Variants in TMEM132C observed in about 807,000 individuals in gnomAD.
The protein encoded by TMEM132C is protein phosphatase 1, regulatory subunit 152.
In TMEM132C, 29 loss-of-function variants were observed where a neutral mutation model predicts 61.4. The ratio of observed to expected loss-of-function variants is 0.47; its 90% CI spans 0.35 to 0.64. The LOEUF (loss-of-function observed/expected upper bound fraction) is 0.64, where lower values mean the gene tolerates loss of function less well. Ranked by LOEUF, TMEM132C falls within the 30% of genes least tolerant of loss-of-function variation. TMEM132C has a pLI of 0.00. For synonymous variants in TMEM132C, 656 were observed against 633.1 expected, an observed-to-expected ratio of 1.04 and a Z score of -0.54; for missense variants, 1,408 against 1,476.9, an observed-to-expected ratio of 0.95 and a Z score of 0.76.
intron 1 of TMEM132C, among the ~76,000 whole-genome samples, chr12:128,299,653 A>T (rs946920605): frequency 5.3e-5 from 8 of 152,244 alleles, no homozygotes; most frequent in African/African-American, 1.9e-4. Context: ...TTTTTCGTAT[A>T]GAGAGAACTT....
At chr12:128,593,440 C>T (rs535359154) in intron 3 of TMEM132C, among the ~76,000 whole-genome samples, 14 of 152,308 alleles carry the variant, frequency 9.2e-5, no homozygotes, top group Admixed American at 2.6e-4. Context: ...AAGCCCATGA[C>T]GAGTGTGACC....
At position 128,524,391 on chromosome 12, in the gene TMEM132C, C is replaced by T. The variant is rs1055849856; in HGVS notation, c.975-19566C>T. On this transcript the variant is annotated intron_variant, in intron 2 of 8. Transcript: ENST00000435159. Reference sequence around the variant, plus strand: ...ATAAGCCCCAGGAGCTGTCCCTTGCCATCACATGGCTTTTCTGCAGAGAGC... The same window carrying T: ...ATAAGCCCCAGGAGCTGTCCCTTGCTATCACATGGCTTTTCTGCAGAGAGC... Among the ~76,000 whole-genome samples, 9 of 152,196 alleles carry T rather than the reference C, an allele frequency of 5.9e-5. 1 individual carries two copies. The highest frequency in any genetic ancestry group is 4.4e-5 in the Non-Finnish European group (3 of 68,046).
At chr12:128,634,610 A>G (rs1189317830) in intron 4 of TMEM132C, among the ~76,000 whole-genome samples, 1 of 152,224 alleles carries the variant, frequency 6.6e-6, no homozygotes, top group African/African-American at 2.4e-5. Context: ...TATGTGAGTG[A>G]CACCTCCTGA....
intron 4 of TMEM132C, among the ~76,000 whole-genome samples, chr12:128,664,261 T>A (rs548472531): frequency 1.1e-4 from 16 of 152,310 alleles, no homozygotes; most frequent in African/African-American, 3.8e-4. Context: ...TCCATGTTCT[T>A]ATTTATTTAA....
At chr12:128,475,646 A>C (rs1871132583) in intron 2 of TMEM132C, among the ~76,000 whole-genome samples, 2 of 152,218 alleles carry the variant, frequency 1.3e-5, no homozygotes, top group South Asian at 4.1e-4. Flanking sequence ...GGAAAAAGGG[A>C]AATCAGGCAG....
intron 4 of TMEM132C, among the ~76,000 whole-genome samples, chr12:128,645,450 C>T (rs1954188949): frequency 1.3e-5 from 2 of 152,182 alleles, no homozygotes; most frequent in South Asian, 2.1e-4. Context: ...CTGTGGGGCA[C>T]CCGAGATCCT....
chr12:128,404,649 C>T (rs1433765483), intron 1 of TMEM132C: 1 of 150,888 alleles, frequency 6.6e-6, no homozygotes, highest in Non-Finnish European at 1.5e-5. Flanking sequence ...TCCTCAGGCC[C>T]TAACCATCCT....
chr12:128,275,862 T>C (rs1029043217), intron 1 of TMEM132C, among the ~76,000 whole-genome samples: 61 of 152,188 alleles, frequency 4.0e-4, no homozygotes, highest in Non-Finnish European at 2.2e-4. Context: ...CAAAATCATA[T>C]GTTGTCAGGG....
Position 128,326,819 on chromosome 12 carries a change from C to T in TMEM132C, c.85+59332C>T, listed in dbSNP as rs188161363. The stretch of plus-strand genomic sequence containing the variant: ...ATATTTTTTTTTTCTTTCTTAACAA[C>T]GTAGTAAAACAGCACTCAGGAATTA... On this transcript the variant is annotated intron_variant, in intron 1 of 8. Coordinates refer to ENST00000435159, the MANE Select transcript of TMEM132C (RefSeq NM_001136103.3). The surrounding 1 kb of genome is among the most constrained non-coding windows in gnomAD (Gnocchi z 5.6). Among the ~76,000 whole-genome samples the T allele has an allele frequency of 3.3e-3, 466 of 140,372 alleles. 10 individuals are homozygous for T. The highest frequency in any genetic ancestry group is 4.3e-3 in the Non-Finnish European group (289 of 67,916). The allele number at this position is 140,372 out of a possible 152,430, so 92.1% of individuals were successfully genotyped here. A position where few individuals can be genotyped will look rare whatever the true frequency, so the allele number is the denominator to read the frequency against.
intron 1 of TMEM132C, among the ~76,000 whole-genome samples, chr12:128,291,362 G>A (rs568671467): frequency 6.0e-4 from 92 of 152,308 alleles, no homozygotes; most frequent in Non-Finnish European, 1.1e-3. Context: ...ATCCAGCCTC[G>A]CTGATGACAA....
chr12:128,329,892 C>T (rs150190134), intron 1 of TMEM132C, among the ~76,000 whole-genome samples: 132 of 152,268 alleles, frequency 8.7e-4, no homozygotes, highest in African/African-American at 3.1e-3. Context: ...CGATTTGTCC[C>T]GTTGAATGGA....
At chr12:128,499,762 A>G (rs1872093900) in intron 2 of TMEM132C, among the ~76,000 whole-genome samples, 1 of 152,206 alleles carries the variant, frequency 6.6e-6, no homozygotes, top group African/African-American at 2.4e-5. Flanking sequence ...GTGTATCTTT[A>G]CCACATTTTA....
intron 5 of TMEM132C, among the ~76,000 whole-genome samples, chr12:128,674,084 C>A (rs866535221): frequency 6.6e-6 from 1 of 152,198 alleles, no homozygotes; most frequent in Non-Finnish European, 1.5e-5. Flanking sequence ...CACCATGATC[C>A]GATTTTATAA....
At chr12:128,542,150 T>C (rs1873781470) in intron 2 of TMEM132C, among the ~76,000 whole-genome samples, 1 of 152,106 alleles carries the variant, frequency 6.6e-6, no homozygotes, top group Non-Finnish European at 1.5e-5. Context: ...GTAGAAACTG[T>C]GTTGGTTGTT....
At chr12:128,478,404 G>A (rs1871220615) in intron 2 of TMEM132C, among the ~76,000 whole-genome samples, 1 of 152,166 alleles carries the variant, frequency 6.6e-6, no homozygotes, top group Non-Finnish European at 1.5e-5. Context: ...GGCCGTCAAG[G>A]CTGAGCAAAG....
intron 2 of TMEM132C, among the ~76,000 whole-genome samples, chr12:128,449,054 G>A (rs879542801): frequency 1.4e-5 from 2 of 147,438 alleles, no homozygotes; most frequent in Non-Finnish European, 3.0e-5. Flanking sequence ...GGAGAACGGC[G>A]TGAACCCGGG....
chr12:128,667,848 G>A (rs898486202), intron 4 of TMEM132C, among the ~76,000 whole-genome samples: 2 of 152,196 alleles, frequency 1.3e-5, no homozygotes, highest in Admixed American at 1.3e-4. Context: ...ATACATGAGA[G>A]GTGTGACACT....
intron 3 of TMEM132C, among the ~76,000 whole-genome samples, chr12:128,566,271 G>A (rs370871718): frequency 6.7e-6 from 1 of 149,846 alleles, no homozygotes; most frequent in South Asian, 2.1e-4. Flanking sequence ...TCAGATTAAA[G>A]AATGCTACTA....
At chr12:128,444,221 G>A (rs986372538) in intron 2 of TMEM132C, among the ~76,000 whole-genome samples, 4 of 152,128 alleles carry the variant, frequency 2.6e-5, no homozygotes, top group African/African-American at 7.2e-5. Flanking sequence ...CGCCCAGCCC[G>A]ATCTCTCCTT....
Sources: gnomAD v4.1 joint callset for allele counts (sites outside exome capture counted in the v4.1 genomes callset) on GRCh38, gnomAD v4.1.1 for gene constraint, Gnocchi (gnomAD v3.1) non-coding constraint, MANE v1.5 for transcripts, NCBI Gene and HGNC (gene_info 2026-07-23, HGNC 2026-07-21) for gene names.